BACH2: variants seen among roughly 807,000 people sequenced by gnomAD.
The protein encoded by BACH2 is BACH transcriptional regulator 2.
A neutral mutation model predicts 61.8 loss-of-function variants in BACH2; 5 were observed. That is an observed-to-expected ratio of 0.08 (90% CI 0.04 to 0.17). BACH2 has a LOEUF of 0.17. BACH2 is among the 10% of genes least tolerant of loss of function. The pLI is 1.00. For missense variants in BACH2, 824 were observed against 1,091.1 expected, an observed-to-expected ratio of 0.76 and a Z score of 3.45; for synonymous variants, 446 against 440.1, an observed-to-expected ratio of 1.01 and a Z score of -0.17.
chr6:90,174,464 G>T (rs1382279577), intron 4 of BACH2, among the ~76,000 whole-genome samples: 3 of 151,878 alleles, frequency 2.0e-5, no homozygotes, highest in Non-Finnish European at 4.4e-5. Context: ...TAAATGAAAA[G>T]TTAAAGTTTT....
At chr6:89,949,905 G>A (rs1015126135) in intron 7 of BACH2, among the ~76,000 whole-genome samples, 1 of 152,094 alleles carries the variant, frequency 6.6e-6, no homozygotes, top group African/African-American at 2.4e-5. Context: ...AAGGATGAGG[G>A]TGATGAACAT....
chr6:90,079,493 T>C (rs140835344), intron 5 of BACH2, among the ~76,000 whole-genome samples: 2 of 152,336 alleles, frequency 1.3e-5, no homozygotes, highest in African/African-American at 4.8e-5. Context: ...TCAACACAAT[T>C]TGTTTATGTA....
At chr6:89,936,712 A>AAAC (rs144787301) in intron 8 of BACH2, among the ~76,000 whole-genome samples, 10,286 of 152,136 alleles carry the variant, frequency 0.068, 461 homozygotes, top group East Asian at 0.25. Context: ...GAAACCCACA[A>AAAC]AACAACAACA....
intron 5 of BACH2, among the ~76,000 whole-genome samples, chr6:90,044,323 T>G (rs1366911439): frequency 6.6e-6 from 1 of 152,182 alleles, no homozygotes; most frequent in Non-Finnish European, 1.5e-5. Context: ...AGAGCCTTCC[T>G]GGCAGAAATA....
In BACH2 at chr6:90,296,529, C is replaced by T. The variant is rs541702092; in HGVS notation, c.-495G>A. Reference sequence around the variant, plus strand: ...TTCCGCCTCCTCTTCCCCGCGTCTTCCCGGCTCGCAGCCCCCTCCCGGCAG... The same window carrying T: ...TTCCGCCTCCTCTTCCCCGCGTCTTTCCGGCTCGCAGCCCCCTCCCGGCAG... On this transcript the variant is annotated 5_prime_UTR_variant, in exon 1 of 9. Transcript: ENST00000257749. 4 of 151,842 alleles carry T rather than the reference C, an allele frequency of 2.6e-5. No individual in the cohort carries two copies. The highest frequency in any genetic ancestry group is 1.9e-4 in the East Asian group (1 of 5,176). The allele number at this position is 151,842 out of a possible 1,614,324, so 9.4% of individuals were successfully genotyped here.
intron 8 of BACH2, among the ~76,000 whole-genome samples, chr6:89,933,938 T>C (rs1584495639): frequency 1.3e-5 from 2 of 151,738 alleles, no homozygotes; most frequent in South Asian, 2.1e-4. Flanking sequence ...GTGAGCGAGA[T>C]GGTGCCACAG....
chr6:90,286,511 G>A (rs1173953004), intron 1 of BACH2, among the ~76,000 whole-genome samples: 1 of 152,124 alleles, frequency 6.6e-6, no homozygotes, highest in Non-Finnish European at 1.5e-5. Flanking sequence ...AAAATGTCTT[G>A]AACTTAAAAT....
intron 4 of BACH2, among the ~76,000 whole-genome samples, chr6:90,165,561 C>G (rs9362723): frequency 0.098 from 14,902 of 151,788 alleles, 1,017 homozygotes; most frequent in East Asian, 0.37. Flanking sequence ...AAACTACTTT[C>G]AAGTTCATAT....
At chr6:89,962,018 T>C (rs566443422) in intron 6 of BACH2, among the ~76,000 whole-genome samples, 1 of 152,338 alleles carries the variant, frequency 6.6e-6, no homozygotes, top group South Asian at 2.1e-4. Context: ...TCAGAAATCA[T>C]TCCTATTATA....
intron 2 of BACH2, among the ~76,000 whole-genome samples, chr6:90,268,690 AAAC>A (rs988716625): frequency 2.6e-5 from 4 of 152,170 alleles, no homozygotes; most frequent in Non-Finnish European, 4.4e-5. Flanking sequence ...TGGAAATTAA[AAAC>A]AAAACTGGTC....
At chr6:90,165,752 C>T (rs558697726) in intron 4 of BACH2, among the ~76,000 whole-genome samples, 8 of 152,144 alleles carry the variant, frequency 5.3e-5, no homozygotes, top group East Asian at 3.9e-4. Flanking sequence ...GAAATAATGC[C>T]GCGTATCTAC....
At chr6:89,969,901 A>G (rs1418683064) in intron 6 of BACH2, among the ~76,000 whole-genome samples, 1 of 152,192 alleles carries the variant, frequency 6.6e-6, no homozygotes, top group African/African-American at 2.4e-5. Context: ...TGAGTGAGCA[A>G]AACTGGTTCA....
In BACH2 at chr6:90,030,085, T is replaced by G. The variant is rs571217428; in HGVS notation, c.-12-21229A>C. On this transcript the variant is annotated intron_variant, in intron 5 of 8. Coordinates refer to ENST00000257749, the MANE Select transcript of BACH2 (RefSeq NM_021813.4). ...CATTGGCTCTATACAATGTGGATCCTTGCAGAGTAGAATTAGGCTGTTCTC... is the reference window on the plus strand; with the variant it reads ...CATTGGCTCTATACAATGTGGATCCGTGCAGAGTAGAATTAGGCTGTTCTC... 4.6e-4 allele frequency among the ~76,000 whole-genome samples: 70 copies of G among 152,342 alleles called. 1 individual carries two copies. The Middle Eastern group carries it at 0.014, about 30-fold the overall frequency.
intron 4 of BACH2, among the ~76,000 whole-genome samples, chr6:90,114,305 A>G (rs1783301828): frequency 6.6e-6 from 1 of 152,186 alleles, no homozygotes; most frequent in African/African-American, 2.4e-5. Flanking sequence ...GCACATCAAA[A>G]AATGAATCCA....
At chr6:89,979,658 T>C (rs1482901659) in intron 6 of BACH2, among the ~76,000 whole-genome samples, 1 of 152,234 alleles carries the variant, frequency 6.6e-6, no homozygotes, top group African/African-American at 2.4e-5. Flanking sequence ...ATAGGATTAA[T>C]TTCTGTCTCT....
In BACH2 at chr6:90,094,502, C is replaced by G. The variant is rs1287608808; in HGVS notation, c.-161-5393G>C. Among the ~76,000 whole-genome samples the G allele has an allele frequency of 2.0e-5, 3 of 152,198 alleles. No individual in the cohort carries two copies. In the East Asian group the frequency reaches 5.8e-4, roughly 29 times the overall value. On this transcript the variant is annotated intron_variant, in intron 4 of 8. Transcript: ENST00000257749. ...CCTCCTGTTGTCAATTCTCTCCTAT[C>G]CTAATCACCTCTTCCTACCTTATTG...
intron 2 of BACH2, among the ~76,000 whole-genome samples, chr6:90,258,995 T>C (rs1463270990): frequency 1.3e-5 from 2 of 152,146 alleles, no homozygotes; most frequent in African/African-American, 4.8e-5. Flanking sequence ...CCCTACAATA[T>C]AGGATCACAC....
chr6:90,075,403 G>A (rs188639643), intron 5 of BACH2, among the ~76,000 whole-genome samples: 4 of 152,250 alleles, frequency 2.6e-5, no homozygotes, highest in African/African-American at 9.6e-5. Context: ...AACTAAAAGC[G>A]TTTTTAAGGT....
At chr6:90,213,585 T>G (rs1769429638) in intron 3 of BACH2, among the ~76,000 whole-genome samples, 2 of 152,298 alleles carry the variant, frequency 1.3e-5, no homozygotes, top group South Asian at 4.1e-4. Context: ...TCTCGGAATG[T>G]GATTTTTGGC....
Sources: allele counts gnomAD v4.1 joint callset (sites outside exome capture counted in the v4.1 genomes callset), GRCh38; gene constraint gnomAD v4.1.1; transcripts MANE v1.5; gene names NCBI Gene and HGNC (gene_info 2026-07-23, HGNC 2026-07-21).